Variants in B3GALT1 observed in about 807,000 individuals in gnomAD.
B3GALT1 encodes UDP-Gal:betaGlcNAc beta 1,3-galactosyltransferase, polypeptide 1.
Under a neutral mutation model 23.2 loss-of-function variants are expected in B3GALT1, and 10 were observed. The observed-to-expected ratio is 0.43, with a 90% CI of 0.27 to 0.73. The LOEUF is 0.73. Ranked by LOEUF, B3GALT1 falls within the 30% of genes least tolerant of loss-of-function variation. The probability of loss-of-function intolerance (pLI) is 0.21; values close to 1 mark genes in which losing one functional copy is unlikely to be tolerated. For synonymous variants in B3GALT1, 156 were observed against 141.5 expected (o/e 1.10, Z -0.73); for missense variants, 299 against 405.4 (o/e 0.74, Z 2.25).
intron 1 of B3GALT1, among the ~76,000 whole-genome samples, chr2:167,323,764 A>C (rs1244650416): frequency 6.6e-6 from 1 of 150,818 alleles, no homozygotes; most frequent in Admixed American, 6.6e-5. Flanking sequence ...GAATAATTAT[A>C]TTTATCCTAT....
At chr2:167,411,020 C>T (rs899917787) in intron 1 of B3GALT1, among the ~76,000 whole-genome samples, 8 of 150,708 alleles carry the variant, frequency 5.3e-5, no homozygotes, top group African/African-American at 2.0e-4. Flanking sequence ...GATACCCATA[C>T]AAAATAAAGT....
intron 1 of B3GALT1, among the ~76,000 whole-genome samples, chr2:167,432,567 G>T (rs1467495324): frequency 6.6e-6 from 1 of 152,136 alleles, no homozygotes; most frequent in Admixed American, 6.5e-5. Flanking sequence ...GGTTTTAAAA[G>T]AACTTCTCTA....
intron 3 of B3GALT1, among the ~76,000 whole-genome samples, chr2:167,806,899 C>T (rs1170741422): frequency 1.3e-5 from 2 of 152,150 alleles, no homozygotes; most frequent in African/African-American, 4.8e-5. Flanking sequence ...GGTACCAGCT[C>T]CTCCTTGTAC....
chr2:167,568,447 T>C (rs192485975), intron 2 of B3GALT1, among the ~76,000 whole-genome samples: 1 of 152,186 alleles, frequency 6.6e-6, no homozygotes, highest in African/African-American at 2.4e-5. Flanking sequence ...AGATAGGTAG[T>C]GGTCTCTCAC....
At chr2:167,705,816 G>A (rs1686959005) in intron 3 of B3GALT1, among the ~76,000 whole-genome samples, 2 of 152,206 alleles carry the variant, frequency 1.3e-5, no homozygotes, top group South Asian at 4.1e-4. Flanking sequence ...CTAACCACAT[G>A]TGGCTATTTA....
intron 1 of B3GALT1, among the ~76,000 whole-genome samples, chr2:167,343,315 T>C (rs1697178513): frequency 6.6e-6 from 1 of 152,180 alleles, no homozygotes; most frequent in Non-Finnish European, 1.5e-5. Flanking sequence ...ATGTTTATTA[T>C]AAAGCAGTAA....
intron 1 of B3GALT1, among the ~76,000 whole-genome samples, chr2:167,294,131 C>T (rs1462523976): frequency 1.3e-5 from 2 of 152,168 alleles, no homozygotes; most frequent in African/African-American, 4.8e-5. Flanking sequence ...GGAGGCAGAG[C>T]GGGGCTCCGA....
intron 2 of B3GALT1, among the ~76,000 whole-genome samples, chr2:167,529,217 T>G (rs1490305784): frequency 1.3e-5 from 2 of 152,158 alleles, no homozygotes; most frequent in Non-Finnish European, 2.9e-5. Context: ...CAGTAGTTTC[T>G]TCTCAATTTT....
intron 2 of B3GALT1, among the ~76,000 whole-genome samples, chr2:167,616,962 T>G (rs1226313060): frequency 6.6e-6 from 1 of 152,112 alleles, no homozygotes; most frequent in Non-Finnish European, 1.5e-5. Context: ...AGCAATGCTT[T>G]TGGCTGAAAG....
At chr2:167,578,488 A>G (rs537814526) in intron 2 of B3GALT1, among the ~76,000 whole-genome samples, 62 of 151,734 alleles carry the variant, frequency 4.1e-4, no homozygotes, top group South Asian at 1.5e-3. Context: ...TCCTGATTGC[A>G]TCAATATATT....
intron 2 of B3GALT1, among the ~76,000 whole-genome samples, chr2:167,616,507 G>T (rs1835746): frequency 0.7 from 106,197 of 151,666 alleles, 38,502 homozygotes; most frequent in Admixed American, 0.82. Flanking sequence ...TTTGAAACCA[G>T]CCTGACCAAC....
At chr2:167,360,172 A>C (rs1697477727) in intron 1 of B3GALT1, among the ~76,000 whole-genome samples, 1 of 152,218 alleles carries the variant, frequency 6.6e-6, no homozygotes, top group Admixed American at 6.5e-5. Context: ...TGTGACATGT[A>C]AACTATTAAT....
At chr2:167,856,709 C>T (rs1690006414) in intron 4 of B3GALT1, among the ~76,000 whole-genome samples, 1 of 152,124 alleles carries the variant, frequency 6.6e-6, no homozygotes, top group Non-Finnish European at 1.5e-5. Flanking sequence ...CCATGTTGAT[C>T]TATTGTAGGA....
At chr2:167,400,784 C>G (rs978958555) in intron 1 of B3GALT1, among the ~76,000 whole-genome samples, 7 of 152,080 alleles carry the variant, frequency 4.6e-5, no homozygotes, top group African/African-American at 1.7e-4. Context: ...TTTTTAATAG[C>G]TTAATTGGGT....
intron 3 of B3GALT1, among the ~76,000 whole-genome samples, chr2:167,776,077 C>CACACACACAA (rs1688157859): frequency 1.4e-5 from 2 of 146,206 alleles, no homozygotes; most frequent in African/African-American, 5.0e-5. Context: ...CACACACACA[C>CACACACACAA]AATTATAGGT....
At chr2:167,529,435 T>C (rs1454682207) in intron 2 of B3GALT1, among the ~76,000 whole-genome samples, 1 of 151,946 alleles carries the variant, frequency 6.6e-6, no homozygotes, top group East Asian at 2.0e-4. Flanking sequence ...TTTGCCTCTT[T>C]GGCACTCTAA....
chr2:167,637,571 T>G (rs1685580637), intron 2 of B3GALT1, among the ~76,000 whole-genome samples: 1 of 151,988 alleles, frequency 6.6e-6, no homozygotes. Flanking sequence ...CTGTAGTCAC[T>G]CTACTCTGCT....
chr2:167,716,135 T>G, intron 3 of B3GALT1: 2 of 1,426,782 alleles, frequency 1.4e-6, no homozygotes, highest in Non-Finnish European at 1.9e-6. Flanking sequence ...ACACGCAGCC[T>G]TGGGTCTGGA....
intron 3 of B3GALT1, among the ~76,000 whole-genome samples, chr2:167,721,792 A>G (rs1687240814): frequency 6.6e-6 from 1 of 152,208 alleles, no homozygotes; most frequent in African/African-American, 2.4e-5. Flanking sequence ...TCAGGCAGCA[A>G]TGGCTCTGAA....
Sources: gnomAD v4.1 joint callset for allele counts (sites outside exome capture counted in the v4.1 genomes callset) on GRCh38, gnomAD v4.1.1 for gene constraint, MANE v1.5 for transcripts, NCBI Gene and HGNC (gene_info 2026-07-23, HGNC 2026-07-21) for gene names.